The following NKAIN2 variants were observed in gnomAD, a reference collection of about 807,000 sequenced individuals.
The protein encoded by NKAIN2 is sodium/potassium transporting ATPase interacting 2.
A neutral mutation model predicts 32.6 loss-of-function variants in NKAIN2; 14 were observed. The observed-to-expected ratio is 0.43, with a 90% CI of 0.28 to 0.67. NKAIN2 has a LOEUF of 0.67. Among genes scored for constraint, NKAIN2 ranks in the 30% least tolerant of loss-of-function variants. The pLI is 0.17. For synonymous variants in NKAIN2, 80 were observed against 87.2 expected (o/e 0.92, Z 0.46); for missense variants, 198 against 258.3 (o/e 0.77, Z 1.60).
chr6:123,813,359 A>G (rs897151841), intron 1 of NKAIN2, among the ~76,000 whole-genome samples: 2 of 152,150 alleles, frequency 1.3e-5, no homozygotes, highest in African/African-American at 4.8e-5. Flanking sequence ...CTCTCTTGTT[A>G]GTCTATAAGC....
At chr6:124,713,077 A>G (rs976285898) in intron 4 of NKAIN2, among the ~76,000 whole-genome samples, 7 of 152,268 alleles carry the variant, frequency 4.6e-5, no homozygotes, top group Non-Finnish European at 8.8e-5. Flanking sequence ...AAATAATAAT[A>G]ATAATATCAT....
At chr6:124,257,940 C>T (rs1241771604) in intron 1 of NKAIN2, among the ~76,000 whole-genome samples, 7 of 151,422 alleles carry the variant, frequency 4.6e-5, no homozygotes, top group Admixed American at 2.6e-4. Context: ...CACCAGCCCC[C>T]GGGTAATTTT....
At chr6:123,979,056 A>G (rs892273162) in intron 1 of NKAIN2, among the ~76,000 whole-genome samples, 4 of 152,164 alleles carry the variant, frequency 2.6e-5, no homozygotes, top group African/African-American at 7.2e-5. Context: ...ATTTCCTAGC[A>G]TAAATTCTGA....
chr6:124,155,405 T>A (rs1172600864), intron 1 of NKAIN2, among the ~76,000 whole-genome samples: 1 of 152,070 alleles, frequency 6.6e-6, no homozygotes, highest in African/African-American at 2.4e-5. Flanking sequence ...ATCAAAACAT[T>A]ACTGTGTACC....
At chr6:123,991,579 TTGGCTGGGCACGG>T (rs989878143) in intron 1 of NKAIN2, among the ~76,000 whole-genome samples, 1 of 152,128 alleles carries the variant, frequency 6.6e-6, no homozygotes, top group African/African-American at 2.4e-5. Context: ...TAAAATATTT[TTGGCTGGGCACGG>T]TGGCTCATGC....
At chr6:124,801,539 T>C (rs1780256018) in intron 5 of NKAIN2, among the ~76,000 whole-genome samples, 1 of 152,200 alleles carries the variant, frequency 6.6e-6, no homozygotes, top group Non-Finnish European at 1.5e-5. Context: ...CTGAGAGAGA[T>C]TCTTGTAACA....
chr6:124,299,030 G>T (rs1276181143), intron 2 of NKAIN2, among the ~76,000 whole-genome samples: 2 of 152,150 alleles, frequency 1.3e-5, no homozygotes, highest in African/African-American at 4.8e-5. Flanking sequence ...AGATCAAATT[G>T]ATTCTTGAGG....
At chr6:124,518,129 A>T (rs929174532) in intron 3 of NKAIN2, among the ~76,000 whole-genome samples, 5 of 152,060 alleles carry the variant, frequency 3.3e-5, no homozygotes, top group African/African-American at 1.2e-4. Context: ...AAAAAGGAAG[A>T]ATTTATTTTA....
chr6:124,595,287 TTGAC>T (rs1782043689), intron 3 of NKAIN2, among the ~76,000 whole-genome samples: 2 of 152,246 alleles, frequency 1.3e-5, no homozygotes, highest in South Asian at 4.1e-4. Context: ...AGCACTCCCT[TTGAC>T]TGATCCCAGA....
chr6:124,054,949 A>T (rs1338673149), intron 1 of NKAIN2, among the ~76,000 whole-genome samples: 1 of 152,094 alleles, frequency 6.6e-6, no homozygotes, highest in Non-Finnish European at 1.5e-5. Context: ...TTCTGGATGG[A>T]ATATTTCAAT....
chr6:123,910,307 C>T (rs1775105346), intron 1 of NKAIN2, among the ~76,000 whole-genome samples: 1 of 152,050 alleles, frequency 6.6e-6, no homozygotes, highest in African/African-American at 2.4e-5. Context: ...CTTTGTTAGC[C>T]ATTGACTTGA....
chr6:124,100,840 T>C (rs990579290), intron 1 of NKAIN2, among the ~76,000 whole-genome samples: 1 of 152,206 alleles, frequency 6.6e-6, no homozygotes, highest in Non-Finnish European at 1.5e-5. Context: ...CAATTTCTCC[T>C]TGCTGCTCAG....
At chr6:124,583,635 A>G (rs1781603818) in intron 3 of NKAIN2, among the ~76,000 whole-genome samples, 3 of 152,322 alleles carry the variant, frequency 2.0e-5, no homozygotes, top group African/African-American at 7.2e-5. Context: ...CTAAGTGTCC[A>G]TCAGCAGACA....
chr6:124,777,536 T>G (rs958256476), intron 4 of NKAIN2, among the ~76,000 whole-genome samples: 7 of 152,232 alleles, frequency 4.6e-5, no homozygotes, highest in Admixed American at 1.3e-4. Flanking sequence ...TGGCACAGAA[T>G]GAATACTATA....
intron 3 of NKAIN2, among the ~76,000 whole-genome samples, chr6:124,503,580 T>G (rs1778372643): frequency 6.6e-6 from 1 of 152,166 alleles, no homozygotes; most frequent in South Asian, 2.1e-4. Flanking sequence ...CATTAATTTC[T>G]AAATATTTCC....
At chr6:123,882,880 T>C (rs1051251651) in intron 1 of NKAIN2, among the ~76,000 whole-genome samples, 1 of 152,176 alleles carries the variant, frequency 6.6e-6, no homozygotes, top group African/African-American at 2.4e-5. Flanking sequence ...TAACTGTTTC[T>C]CATCATGTTC....
At chr6:124,156,108 G>A (rs1436743761) in intron 1 of NKAIN2, among the ~76,000 whole-genome samples, 1 of 152,078 alleles carries the variant, frequency 6.6e-6, no homozygotes, top group East Asian at 1.9e-4. Context: ...TGAGCTAGGG[G>A]TGACTTCTAA....
chr6:124,507,867 C>T (rs558110419), intron 3 of NKAIN2, among the ~76,000 whole-genome samples: 1 of 152,086 alleles, frequency 6.6e-6, no homozygotes, highest in African/African-American at 2.4e-5. Flanking sequence ...TCAAGGGCTC[C>T]ACTCTTAAAG....
At chr6:124,145,175 T>A (rs1392021484) in intron 1 of NKAIN2, among the ~76,000 whole-genome samples, 1 of 152,188 alleles carries the variant, frequency 6.6e-6, no homozygotes, top group Non-Finnish European at 1.5e-5. Flanking sequence ...ACATTTCTGG[T>A]GGAAATGAAA....
Sources: gnomAD v4.1 joint callset for allele counts (sites outside exome capture counted in the v4.1 genomes callset) on GRCh38, gnomAD v4.1.1 for gene constraint, MANE v1.5 for transcripts, NCBI Gene and HGNC (gene_info 2026-07-23, HGNC 2026-07-21) for gene names.